Variants in GLG1 observed in about 807,000 individuals in gnomAD.
The protein encoded by GLG1 is Golgi apparatus protein 1.
GLG1 carries 38 observed loss-of-function variants against 160.5 expected under a neutral mutation model. That is an observed-to-expected ratio of 0.24 (90% CI 0.18 to 0.31). The LOEUF (loss-of-function observed/expected upper bound fraction) is 0.31, where lower values mean the gene tolerates loss of function less well. GLG1 is among the 10% of genes least tolerant of loss of function. GLG1 has a pLI of 1.00. For missense variants in GLG1, 1,373 were observed against 1,505.2 expected, an observed-to-expected ratio of 0.91 and a Z score of 1.45; for synonymous variants, 644 against 543.4, an observed-to-expected ratio of 1.19 and a Z score of -2.57.
chr16:74,505,151 A>G (rs1412080882), intron 3 of GLG1, among the ~76,000 whole-genome samples: 1 of 152,218 alleles, frequency 6.6e-6, no homozygotes, highest in Non-Finnish European at 1.5e-5. Context: ...AAACAAACAC[A>G]ATCTCCTCTT....
intron 4 of GLG1, 106 bp from the exon 5 acceptor site, chr16:74,496,750 AG>A (rs2016204904): frequency 5.4e-6 from 4 of 743,842 alleles, no homozygotes; most frequent in South Asian, 4.8e-5. Context: ...ACACACACAA[AG>A]TAATAAAACC....
chr16:74,492,823 G>GAAA (rs370571319), intron 7 of GLG1, 134 bp downstream of exon 7: 124 of 333,932 alleles, frequency 3.7e-4, no homozygotes, highest in Middle Eastern at 7.2e-4. Context: ...TCCGTCTCAA[G>GAAA]AAAAAAAAAA....
At chr16:74,577,464 G>A (rs1438925289) in intron 1 of GLG1, among the ~76,000 whole-genome samples, 1 of 147,082 alleles carries the variant, frequency 6.8e-6, no homozygotes, top group Non-Finnish European at 1.5e-5. Context: ...AGAAAGTGCA[G>A]TGAACAGCAA....
At chr16:74,546,929 G>A (rs12445991) in intron 1 of GLG1, among the ~76,000 whole-genome samples, 2 of 148,676 alleles carry the variant, frequency 1.3e-5, no homozygotes, top group African/African-American at 5.0e-5. Flanking sequence ...AAAAGAGAGA[G>A]AAGCCTTCCT....
intron 1 of GLG1, among the ~76,000 whole-genome samples, chr16:74,590,370 C>A (rs570374371): frequency 9.2e-5 from 14 of 151,978 alleles, no homozygotes; most frequent in Non-Finnish European, 1.5e-4. Context: ...GTAATCCCAG[C>A]ACTCTGGGAG....
Position 74,546,838 on chromosome 16 carries a change from A to AAAAAAAAAAAG in GLG1, c.439-14686_439-14685insCTTTTTTTTTT, listed in dbSNP as rs1491195701. ...GGGCGACAGAGTGAGACTCCATCTCAAAAAAAAAAAAAAAAAAAGGATCCC... is the reference window on the plus strand; with the variant it reads ...GGGCGACAGAGTGAGACTCCATCTCAAAAAAAAAAAGAAAAAAAAAAAAAAAAAAGGATCCC... On this transcript the variant is annotated intron_variant, in intron 1 of 25. Transcript: ENST00000422840. Among the ~76,000 whole-genome samples, 5 of 15,530 alleles carry AAAAAAAAAAAG rather than the reference A, an allele frequency of 3.2e-4. 1 individual carries two copies. Among genetic ancestry groups the AAAAAAAAAAAG allele is most frequent in the Non-Finnish European group, 6.9e-4 (4 of 5,770 alleles). The allele number at this position is 15,530 out of a possible 152,430, so 10.2% of individuals were successfully genotyped here.
intron 16 of GLG1, 84 bp downstream of exon 16, chr16:74,469,901 A>G: frequency 1.1e-6 from 1 of 872,918 alleles, no homozygotes; most frequent in Non-Finnish European, 2.0e-6. Context: ...AGGCAGCAGG[A>G]GGGCTGCCTA....
Position 74,501,313 on chromosome 16 carries a change from A to G in GLG1, c.774+2218T>C, listed in dbSNP as rs563810756. 2.0e-5 allele frequency among the ~76,000 whole-genome samples: 3 copies of G among 152,352 alleles called. No individual in the cohort carries two copies. In the East Asian group the frequency reaches 5.8e-4, roughly 29 times the overall value. On this transcript the variant is annotated intron_variant, in intron 4 of 25. Coordinates refer to ENST00000422840, the MANE Select transcript of GLG1 (RefSeq NM_001145667.2). ...TATCTCACCGTCCCCAAAATACAAG[A>G]AAGCCTTTGATGCTGGTGTAGTGAC...
At position 74,579,342 on chromosome 16, in the gene GLG1, G is replaced by C. The variant is rs189043149; in HGVS notation, c.438+27315C>G. On this transcript the variant is annotated intron_variant, in intron 1 of 25. Transcript: ENST00000422840. ...AGACAGGAGGATCACCTGAGCCTTGGGAGGTAAAGGCTGCAGTGAGCCGTG... is the reference window on the plus strand; with the variant it reads ...AGACAGGAGGATCACCTGAGCCTTGCGAGGTAAAGGCTGCAGTGAGCCGTG... Among the ~76,000 whole-genome samples, 579 of 117,870 alleles carry C rather than the reference G, an allele frequency of 4.9e-3. 6 individuals carry two copies. The highest frequency in any genetic ancestry group is 6.3e-3 in the Non-Finnish European group (368 of 58,372). The allele number at this position is 117,870 out of a possible 152,430, so 77.3% of individuals were successfully genotyped here.
At chr16:74,587,306 A>G (rs1212151591) in intron 1 of GLG1, among the ~76,000 whole-genome samples, 1 of 152,166 alleles carries the variant, frequency 6.6e-6, no homozygotes, top group East Asian at 1.9e-4. Context: ...ACAGAATTGG[A>G]TAGTCTTGCT....
At chr16:74,550,734 G>GA (rs902653820) in intron 1 of GLG1, among the ~76,000 whole-genome samples, 8 of 149,660 alleles carry the variant, frequency 5.3e-5, no homozygotes, top group South Asian at 4.2e-4. Flanking sequence ...GCAATCTTCT[G>GA]AAAAAAAAAA....
chr16:74,495,240 A>G (rs1029522687), intron 5 of GLG1, among the ~76,000 whole-genome samples: 4 of 151,822 alleles, frequency 2.6e-5, no homozygotes, highest in South Asian at 4.2e-4. Flanking sequence ...CAGAGCCCCA[A>G]GTAGCTGGGA....
chr16:74,548,048 G>C (rs2018097611), intron 1 of GLG1, among the ~76,000 whole-genome samples: 1 of 152,220 alleles, frequency 6.6e-6, no homozygotes. Context: ...TCCTGCCTCA[G>C]CCTCCCGAGT....
Position 74,485,903 on chromosome 16 carries a change from A to T in GLG1, c.1464T>A (p.Ile488=). Reference sequence around the variant, plus strand: ...AATCTGCACCAGGGTCAGTCTCCTGAATCAGTGTTTGAAGCTGAATTAAAA... The same window carrying T: ...AATCTGCACCAGGGTCAGTCTCCTGTATCAGTGTTTGAAGCTGAATTAAAA... The part of the protein sequence containing the change: ...MNCQQALQTL[I]QETDPGADYR... The change falls in exon 9 of 26, where the codon ATT becomes ATA. Residue 488 remains isoleucine (I), a synonymous_variant. Coordinates refer to ENST00000422840, the MANE Select transcript of GLG1 (RefSeq NM_001145667.2). 2 of 1,612,074 alleles carry T rather than the reference A, an allele frequency of 1.2e-6. No individual in the cohort carries two copies. Among genetic ancestry groups the T allele is most frequent in the Non-Finnish European group, 1.7e-6 (2 of 1,178,708 alleles).
rs2014175014 is a variant in GLG1 at position 74,448,812 on chromosome 16, G to T, written c.*4355C>A. 1.3e-5 allele frequency: 2 copies of T among 151,494 alleles called. No homozygotes were observed. Among genetic ancestry groups the T allele is most frequent in the Admixed American group, 6.6e-5 (1 of 15,208 alleles). The allele number at this position is 151,494 out of a possible 1,614,324, so 9.4% of individuals were successfully genotyped here. On this transcript the variant is annotated 3_prime_UTR_variant, in exon 26 of 26. Coordinates refer to ENST00000422840, the MANE Select transcript of GLG1 (RefSeq NM_001145667.2). ...TGGCTCACGCCTGTAATGCACTTTG[G>T]AAGGCCGAAGTGCACTTTGGCCGAA...
Position 74,600,982 on chromosome 16 carries a change from T to C in GLG1, c.438+5675A>G, listed in dbSNP as rs551774655. Among the ~76,000 whole-genome samples the C allele has an allele frequency of 2.6e-5, 4 of 152,222 alleles. No homozygotes were observed. In the South Asian group the frequency reaches 6.2e-4, roughly 24 times the overall value. ...TTAAAGTACTAGTGTCCTTCCACAATGATAGGTGTATAATAGAAGATCAAT... is the reference window on the plus strand; with the variant it reads ...TTAAAGTACTAGTGTCCTTCCACAACGATAGGTGTATAATAGAAGATCAAT... On this transcript the variant is annotated intron_variant, in intron 1 of 25. Coordinates refer to ENST00000422840, the MANE Select transcript of GLG1 (RefSeq NM_001145667.2).
chr16:74,586,641 AT>A (rs1005901929), intron 1 of GLG1, among the ~76,000 whole-genome samples: 1 of 151,920 alleles, frequency 6.6e-6, no homozygotes, highest in African/African-American at 2.4e-5. Flanking sequence ...CGCCTGGCTA[AT>A]TTTTTTGTTT....
chr16:74,553,469 GTTTTTT>G (rs537408696), intron 1 of GLG1, among the ~76,000 whole-genome samples: 1 of 106,084 alleles, frequency 9.4e-6, no homozygotes, highest in East Asian at 2.9e-4. Flanking sequence ...TTTTGTTTCG[GTTTTTT>G]TTTTTTTTTT....
chr16:74,575,850 C>A (rs181919505), intron 1 of GLG1, among the ~76,000 whole-genome samples: 143 of 152,280 alleles, frequency 9.4e-4, no homozygotes, highest in African/African-American at 3.2e-3. Context: ...AAACCATATA[C>A]AACCAACAGT....
Sources: gnomAD v4.1 joint callset for allele counts (sites outside exome capture counted in the v4.1 genomes callset) on GRCh38, gnomAD v4.1.1 for gene constraint, MANE v1.5 for transcripts, NCBI Gene and HGNC (gene_info 2026-07-23, HGNC 2026-07-21) for gene names.